Variants in DLGAP2 observed in about 807,000 individuals in gnomAD.
The protein encoded by DLGAP2 is DLG associated protein 2.
DLGAP2 carries 26 observed loss-of-function variants against 100.3 expected under a neutral mutation model. The observed-to-expected ratio is 0.26, with a 90% CI of 0.19 to 0.36. The LOEUF is 0.36. Ranked by LOEUF, DLGAP2 falls within the 10% of genes least tolerant of loss-of-function variation. DLGAP2 has a pLI of 1.00. For missense variants in DLGAP2, 1,858 were observed against 1,453.2 expected (o/e 1.28, Z -4.53); for synonymous variants, 886 against 630.1 (o/e 1.41, Z -6.08).
chr8:1,272,826 A>T (rs563715534), intron 3 of DLGAP2, among the ~76,000 whole-genome samples: 2 of 152,276 alleles, frequency 1.3e-5, no homozygotes, highest in East Asian at 3.9e-4. Context: ...CCGGCCTGCA[A>T]GTCCCTGTCA....
chr8:1,567,261 C>T lies in DLGAP2; in HGVS notation c.1442+1367C>T, dbSNP rs1802440866. Reference sequence around the variant, plus strand: ...GCTCTCACCCACCTTTTATTTGGCACACTTAAAGACATTAGGAGAATTATG... The same window carrying T: ...GCTCTCACCCACCTTTTATTTGGCATACTTAAAGACATTAGGAGAATTATG... On this transcript the variant is annotated intron_variant, in intron 6 of 14. Transcript: ENST00000637795. Among the ~76,000 whole-genome samples, 3 of 152,184 alleles carry T rather than the reference C, an allele frequency of 2.0e-5. No individual in the cohort carries two copies. The South Asian group carries it at 6.2e-4, about 32-fold the overall frequency.
chr8:1,584,072 C>T (rs967880009), intron 6 of DLGAP2, among the ~76,000 whole-genome samples: 2 of 152,040 alleles, frequency 1.3e-5, no homozygotes, highest in Admixed American at 1.3e-4. Context: ...CCCGAGAGTC[C>T]CTATAGCCTT....
chr8:819,907 G>C (rs1796553612), intron 1 of DLGAP2, among the ~76,000 whole-genome samples: 1 of 152,154 alleles, frequency 6.6e-6, no homozygotes, highest in African/African-American at 2.4e-5. Context: ...GTTTGGATTG[G>C]TCATGAAAGT....
At chr8:1,373,773 A>C (rs986920360) in intron 3 of DLGAP2, 6 of 152,190 alleles carry the variant, frequency 3.9e-5, no homozygotes, top group African/African-American at 7.2e-5. Context: ...TCTCACACAC[A>C]AACGTAGCCT....
At chr8:1,594,272 T>C (rs1454178168) in intron 6 of DLGAP2, among the ~76,000 whole-genome samples, 1 of 152,056 alleles carries the variant, frequency 6.6e-6, no homozygotes, top group Non-Finnish European at 1.5e-5. Context: ...CTGACCCTAG[T>C]GAAATGAAGT....
rs137870080 is a variant in DLGAP2, at chr8:1,107,408, C to T, written c.74-151443C>T. ...TCAGATCCACTCACACAGAGGTCAG[C>T]GAAGGCTTCCAGAGGCGTCCAAAGG... On this transcript the variant is annotated intron_variant, in intron 2 of 14. Coordinates refer to ENST00000637795, the MANE Select transcript of DLGAP2 (RefSeq NM_001346810.2). Among the ~76,000 whole-genome samples the T allele has an allele frequency of 4.0e-3, 613 of 152,288 alleles. 3 individuals carry two copies. The highest frequency in any genetic ancestry group is 6.1e-3 in the Non-Finnish European group (416 of 68,028).
chr8:1,180,347 A>C (rs1797353413), intron 2 of DLGAP2, among the ~76,000 whole-genome samples: 1 of 152,194 alleles, frequency 6.6e-6, no homozygotes, highest in Admixed American at 6.5e-5. Flanking sequence ...TGGCCACCAG[A>C]AGCACGCTTC....
chr8:1,083,923 A>G (rs1803890676), intron 2 of DLGAP2, among the ~76,000 whole-genome samples: 1 of 152,244 alleles, frequency 6.6e-6, no homozygotes, highest in Non-Finnish European at 1.5e-5. Flanking sequence ...AAAATGCAAA[A>G]TCATAACTTT....
At chr8:834,962 C>T (rs1796845388) in intron 1 of DLGAP2, among the ~76,000 whole-genome samples, 1 of 152,174 alleles carries the variant, frequency 6.6e-6, no homozygotes, top group African/African-American at 2.4e-5. Flanking sequence ...GTATGTGTGC[C>T]TGTCTCTGTG....
At chr8:1,141,917 T>A (rs577607815) in intron 2 of DLGAP2, among the ~76,000 whole-genome samples, 16 of 152,212 alleles carry the variant, frequency 1.1e-4, no homozygotes, top group African/African-American at 3.8e-4. Context: ...ATGAACTCAT[T>A]ATAATTTTTA....
rs758523292 is a variant in DLGAP2 at position 1,704,784 on chromosome 8, A to AG, written c.*3379dup. On this transcript the variant is annotated 3_prime_UTR_variant, in exon 15 of 15. Coordinates refer to ENST00000637795, the MANE Select transcript of DLGAP2 (RefSeq NM_001346810.2). ...ATCTGGTTTTAAAAGAAAAAAAAAA[A>AG]GCCTACAAACTCAGTGACCTACTAC... The AG allele has an allele frequency of 4.2e-5, 6 of 142,188 alleles. No homozygotes were observed. Among genetic ancestry groups the AG allele is most frequent in the Non-Finnish European group, 7.4e-5 (5 of 67,914 alleles). 8.8% of individuals were successfully genotyped at this position (142,188 alleles called of 1,614,324 possible).
chr8:1,362,129 G>A (rs1801995873), intron 3 of DLGAP2, among the ~76,000 whole-genome samples: 1 of 152,116 alleles, frequency 6.6e-6, no homozygotes, highest in Non-Finnish European at 1.5e-5. Flanking sequence ...ACCCAATTCT[G>A]TGATCTGAGC....
chr8:1,223,140 G>A (rs1158405878), intron 2 of DLGAP2, among the ~76,000 whole-genome samples: 2 of 152,168 alleles, frequency 1.3e-5, no homozygotes, highest in East Asian at 3.9e-4. Flanking sequence ...GCCACTCCAT[G>A]CCTGTTTCCC....
intron 4 of DLGAP2, among the ~76,000 whole-genome samples, chr8:1,534,435 G>A (rs1306450010): frequency 2.0e-5 from 3 of 152,172 alleles, no homozygotes; most frequent in Non-Finnish European, 4.4e-5. Flanking sequence ...TAAATAAGAT[G>A]TCATTTGGTA....
chr8:958,015 CTG>C (rs1293299406), intron 2 of DLGAP2, among the ~76,000 whole-genome samples: 1 of 152,198 alleles, frequency 6.6e-6, no homozygotes, highest in African/African-American at 2.4e-5. Context: ...TGTAGAAACT[CTG>C]TGTCATTAAA....
chr8:1,167,157 AC>A lies in DLGAP2; in HGVS notation c.74-91693del, dbSNP rs970497120. On this transcript the variant is annotated intron_variant, in intron 2 of 14. Coordinates refer to ENST00000637795, the MANE Select transcript of DLGAP2 (RefSeq NM_001346810.2). ...TCTCTAAAAGAAGAAAAAGAAAAAA[AC>A]AATTTGTAAAAGCCTCCTGACTTAC... Among the ~76,000 whole-genome samples the A allele has an allele frequency of 1.3e-4, 20 of 152,024 alleles. 1 individual carries two copies. Among genetic ancestry groups the A allele is most frequent in the African/African-American group, 3.9e-4 (16 of 41,482 alleles).
intron 1 of DLGAP2, among the ~76,000 whole-genome samples, chr8:762,494 A>G (rs1288074434): frequency 3.3e-5 from 5 of 152,154 alleles, no homozygotes; most frequent in East Asian, 1.9e-4. Context: ...ACAGTGTCAA[A>G]TTTGTTCACG....
chr8:1,279,430 G>T (rs1215006329), intron 3 of DLGAP2, among the ~76,000 whole-genome samples: 2 of 152,180 alleles, frequency 1.3e-5, no homozygotes, highest in Non-Finnish European at 2.9e-5. Context: ...AGTTAGATGT[G>T]TTCAAAACTA....
chr8:834,845 G>A (rs1159909110), intron 1 of DLGAP2, among the ~76,000 whole-genome samples: 2 of 152,302 alleles, frequency 1.3e-5, no homozygotes, highest in South Asian at 4.1e-4. Context: ...ACATGTAACT[G>A]TGAACCTACA....
Sources: allele counts gnomAD v4.1 joint callset (sites outside exome capture counted in the v4.1 genomes callset), GRCh38; gene constraint gnomAD v4.1.1; transcripts MANE v1.5; gene names NCBI Gene and HGNC (gene_info 2026-07-23, HGNC 2026-07-21).